Variants in COL24A1 observed in about 807,000 individuals in gnomAD.
COL24A1 encodes the protein collagen type XXIV alpha 1 chain.
Under a neutral mutation model 253.9 loss-of-function variants are expected in COL24A1, and 224 were observed. The observed-to-expected ratio is 0.88, with a 90% CI of 0.79 to 0.99. COL24A1 has a LOEUF of 0.99. Among genes scored for constraint, COL24A1 ranks in the 50% least tolerant of loss-of-function variants. The pLI is 0.00. For missense variants in COL24A1, 2,131 were observed against 2,068.5 expected (o/e 1.03, Z -0.59); for synonymous variants, 685 against 673.7 (o/e 1.02, Z -0.26).
chr1:86,030,399 C>T (rs369706218), intron 14 of COL24A1: 1 of 152,402 alleles, frequency 6.6e-6, no homozygotes, highest in Non-Finnish European at 1.5e-5. Flanking sequence ...GCACTGGTGG[C>T]CTGGTGGAGC....
chr1:85,780,854 T>C (rs1669068749), intron 52 of COL24A1, among the ~76,000 whole-genome samples: 1 of 152,190 alleles, frequency 6.6e-6, no homozygotes, highest in Non-Finnish European at 1.5e-5. Context: ...TCCTTTATAG[T>C]GGGTACTTCC....
chr1:85,861,211 A>T (rs930331345), intron 37 of COL24A1, among the ~76,000 whole-genome samples: 16 of 151,958 alleles, frequency 1.1e-4, no homozygotes, highest in Non-Finnish European at 1.5e-4. Context: ...TTTGATTTGC[A>T]TTTTCCTGAT....
intron 20 of COL24A1, among the ~76,000 whole-genome samples, chr1:85,981,674 C>T (rs1693268074): frequency 6.6e-6 from 1 of 152,044 alleles, no homozygotes; most frequent in South Asian, 2.1e-4. Flanking sequence ...AAAGCTTCTG[C>T]ACAGTTAGAG....
intron 19 of COL24A1, among the ~76,000 whole-genome samples, chr1:86,006,656 A>T (rs929603562): frequency 6.6e-6 from 1 of 152,212 alleles, no homozygotes; most frequent in African/African-American, 2.4e-5. Flanking sequence ...ATTAAAATTT[A>T]AAACTTCTGC....
chr1:85,823,286 G>A (rs1314698467), intron 45 of COL24A1, among the ~76,000 whole-genome samples: 1 of 151,960 alleles, frequency 6.6e-6, no homozygotes, highest in South Asian at 2.1e-4. Context: ...GACAACTGAG[G>A]CAATTTTCAC....
At chr1:85,839,600 G>A (rs1376102336) in intron 42 of COL24A1, among the ~76,000 whole-genome samples, 2 of 151,924 alleles carry the variant, frequency 1.3e-5, no homozygotes, top group African/African-American at 4.8e-5. Context: ...AGCTGGCCCT[G>A]GTGGCACGAG....
Position 85,734,771 on chromosome 1 carries a change from T to G in COL24A1, c.4976A>C (p.Lys1659Thr). ...IFKVNTLLEPKVLSDDCKIQD... is the reference protein window; with the variant it reads ...IFKVNTLLEPTVLSDDCKIQD... ...TACCTTGCAGTCATCTGAAAGCACT[T>G]TAGGTTCAAGTAGAGTGTTTACTTT... is the stretch of plus-strand genomic sequence containing the variant. Residue 1659 changes from lysine to threonine, a missense_variant, in exon 59 of 60, where the codon AAA (lysine) becomes ACA (threonine). Transcript: ENST00000370571. The G allele has an allele frequency of 6.2e-7, 1 of 1,614,172 alleles. No individual in the cohort carries two copies. The highest frequency in any genetic ancestry group is 8.5e-7 in the Non-Finnish European group (1 of 1,180,020).
chr1:85,916,857 A>G (rs1685944397), intron 24 of COL24A1, among the ~76,000 whole-genome samples: 1 of 152,190 alleles, frequency 6.6e-6, no homozygotes, highest in African/African-American at 2.4e-5. Flanking sequence ...TATATAGTAA[A>G]ATTGAAGATG....
chr1:85,786,810 A>G (rs982209616), intron 47 of COL24A1, among the ~76,000 whole-genome samples: 1 of 152,170 alleles, frequency 6.6e-6, no homozygotes, highest in African/African-American at 2.4e-5. Context: ...TGGCAACTCT[A>G]ATAACTGCTG....
At chr1:85,897,292 T>G (rs1240841147) in intron 28 of COL24A1, among the ~76,000 whole-genome samples, 1 of 152,026 alleles carries the variant, frequency 6.6e-6, no homozygotes, top group Non-Finnish European at 1.5e-5. Context: ...GAATAGCTAA[T>G]GGATGCTGGG....
At chr1:86,154,377 A>T (rs1653204373) in intron 1 of COL24A1, 1 of 152,574 alleles carries the variant, frequency 6.6e-6, no homozygotes. Context: ...AACAGAACAA[A>T]TTGGATATTA....
At chr1:85,912,477 TTAGA>T (rs1439032147) in intron 24 of COL24A1, among the ~76,000 whole-genome samples, 2 of 152,182 alleles carry the variant, frequency 1.3e-5, no homozygotes, top group Non-Finnish European at 2.9e-5. Flanking sequence ...AAGACCTTGT[TTAGA>T]TAGATTCTCA....
chr1:85,943,165 C>T (rs1172611774), intron 24 of COL24A1, among the ~76,000 whole-genome samples: 2 of 152,152 alleles, frequency 1.3e-5, no homozygotes, highest in Non-Finnish European at 2.9e-5. Context: ...CCAGGGCATG[C>T]CAGCTTTTGG....
chr1:85,821,056 C>T (rs1010654821), intron 45 of COL24A1, among the ~76,000 whole-genome samples: 4 of 152,068 alleles, frequency 2.6e-5, no homozygotes, highest in African/African-American at 9.7e-5. Flanking sequence ...TTTCTTTTTT[C>T]ACCAAGAAAT....
chr1:85,979,266 T>G (rs1386287640), intron 20 of COL24A1, among the ~76,000 whole-genome samples: 1 of 152,074 alleles, frequency 6.6e-6, no homozygotes, highest in Non-Finnish European at 1.5e-5. Context: ...CAATTTAAGG[T>G]CACACCTCAA....
chr1:86,040,606 T>C (rs1699407026), intron 12 of COL24A1, among the ~76,000 whole-genome samples: 1 of 151,926 alleles, frequency 6.6e-6, no homozygotes, highest in Non-Finnish European at 1.5e-5. Flanking sequence ...TTATAACATG[T>C]AGTTCATTGG....
Position 85,991,611 on chromosome 1 carries a change from C to T in COL24A1, c.2311-3957G>A, listed in dbSNP as rs112106925. On this transcript the variant is annotated intron_variant, in intron 19 of 59. Coordinates refer to ENST00000370571, the MANE Select transcript of COL24A1 (RefSeq NM_152890.7). ...GTCTATGTTTTACTTTACAATAAAACGGTAAGAAAAAATTTGCTGGGGTGA... is the reference window on the plus strand; with the variant it reads ...GTCTATGTTTTACTTTACAATAAAATGGTAAGAAAAAATTTGCTGGGGTGA... 5.2e-3 allele frequency among the ~76,000 whole-genome samples: 784 copies of T among 152,106 alleles called. 2 individuals are homozygous for T. The highest frequency in any genetic ancestry group is 0.017 in the African/African-American group (703 of 41,520).
chr1:85,837,855 G>A (rs1009714764), intron 43 of COL24A1, among the ~76,000 whole-genome samples: 3 of 152,050 alleles, frequency 2.0e-5, no homozygotes, highest in Non-Finnish European at 2.9e-5. Flanking sequence ...GGAACTATAG[G>A]GAGACAGGAG....
At chr1:86,147,921 C>G (rs1652133860) in intron 1 of COL24A1, among the ~76,000 whole-genome samples, 1 of 152,162 alleles carries the variant, frequency 6.6e-6, no homozygotes, top group Non-Finnish European at 1.5e-5. Flanking sequence ...TTAGTGTGAT[C>G]AGAATCGCAT....
Sources: allele counts gnomAD v4.1 joint callset (sites outside exome capture counted in the v4.1 genomes callset), GRCh38; gene constraint gnomAD v4.1.1; transcripts MANE v1.5; gene names NCBI Gene and HGNC (gene_info 2026-07-23, HGNC 2026-07-21).